The following SLC12A2 variants were observed in gnomAD, a reference collection of about 807,000 sequenced individuals.
SLC12A2 encodes the protein Na-K-2Cl cotransporter 1.
SLC12A2 carries 67 observed loss-of-function variants against 136.3 expected under a neutral mutation model. The observed-to-expected ratio is 0.49, with a 90% CI of 0.40 to 0.60. The LOEUF is 0.60. Among genes scored for constraint, SLC12A2 ranks in the 20% least tolerant of loss-of-function variants. SLC12A2 has a pLI of 0.00. For synonymous variants in SLC12A2, 619 were observed against 562.9 expected (o/e 1.10, Z -1.41); for missense variants, 1,322 against 1,534.7 (o/e 0.86, Z 2.32).
In SLC12A2 at chr5:128,162,272, C is replaced by A. The variant is rs111459870; in HGVS notation, c.2616+472C>A. ...TAAGACATTGTGGTGTTGAATATAG[C>A]GATAGACAGTTAGACGAATGGCACA... is the stretch of plus-strand genomic sequence containing the variant. On this transcript the variant is annotated intron_variant, in intron 17 of 26. Transcript: ENST00000262461. Among the ~76,000 whole-genome samples the A allele has an allele frequency of 3.0e-3, 453 of 151,950 alleles. 1 individual carries two copies. The highest frequency in any genetic ancestry group is 0.01 in the African/African-American group (426 of 41,436).
intron 1 of SLC12A2, among the ~76,000 whole-genome samples, chr5:128,102,727 C>T (rs1007849616): frequency 2.0e-5 from 3 of 149,668 alleles, no homozygotes; most frequent in African/African-American, 4.9e-5. Flanking sequence ...ATCCTCTGGC[C>T]TCAGCCTCCC....
Position 128,150,073 on chromosome 5 carries a change from C to T in SLC12A2, c.2082C>T (p.Phe694=), listed in dbSNP as rs1440974466. The T allele has an allele frequency of 3.1e-6, 5 of 1,604,182 alleles. No individual in the cohort carries two copies. The South Asian group carries it at 4.4e-5, about 14-fold the overall frequency. The change falls in exon 13 of 27, where the codon TTC becomes TTT. Residue 694 remains phenylalanine (F), a synonymous_variant. Transcript: ENST00000262461. ...ATGCATTGATCAATTTTTCAGTATT[C>T]CATGCATCACTTGCAAAATCTCCAG... ...ASYALINFSV[F]HASLAKSPGW...
At chr5:128,183,629 C>T (rs1369037682) in intron 24 of SLC12A2, among the ~76,000 whole-genome samples, 7 of 151,524 alleles carry the variant, frequency 4.6e-5, no homozygotes, top group Admixed American at 4.6e-4. Context: ...TGTTAAATAT[C>T]TTTGGATGTA....
chr5:128,096,169 A>AT (rs1760530652), intron 1 of SLC12A2, among the ~76,000 whole-genome samples: 1 of 152,236 alleles, frequency 6.6e-6, no homozygotes, highest in Admixed American at 6.5e-5. Flanking sequence ...AGGAAAGGTA[A>AT]TAGGTATTAA....
chr5:128,101,322 A>T (rs373156295), intron 1 of SLC12A2, among the ~76,000 whole-genome samples: 2 of 152,156 alleles, frequency 1.3e-5, no homozygotes, highest in African/African-American at 4.8e-5. Context: ...ACATATTTTT[A>T]GTTGCTAAAT....
rs969283929 is a variant in SLC12A2 at position 128,094,328 on chromosome 5, T to C, written c.756+9618T>C. On this transcript the variant is annotated intron_variant, in intron 1 of 26. Transcript: ENST00000262461. ...TGGTACAAAAGAATCTTACCTACCT[T>C]ATATCTGTTGTCTAGATTCTCTAAA... 4.6e-5 allele frequency among the ~76,000 whole-genome samples: 7 copies of C among 151,816 alleles called. 1 individual carries two copies. Among genetic ancestry groups the C allele is most frequent in the Admixed American group, 4.6e-4 (7 of 15,194 alleles).
chr5:128,187,066 T>TAAAACA lies in SLC12A2; in HGVS notation c.*439_*444dup. On this transcript the variant is annotated 3_prime_UTR_variant, in exon 27 of 27. Coordinates refer to ENST00000262461, the MANE Select transcript of SLC12A2 (RefSeq NM_001046.3). ...TTTTTATTTCTAGTCTCTTCCACTT[T>TAAAACA]AAAACAAAATGAACACTGCTTGTCT... The TAAAACA allele has an allele frequency of 6.3e-6, 1 of 158,294 alleles. No homozygotes were observed. The highest frequency in any genetic ancestry group is 6.1e-5 in the Admixed American group (1 of 16,452). 9.8% of individuals were successfully genotyped at this position (158,294 alleles called of 1,614,324 possible).
intron 14 of SLC12A2, among the ~76,000 whole-genome samples, chr5:128,152,118 T>C (rs1762722322): frequency 6.6e-6 from 1 of 152,172 alleles, no homozygotes; most frequent in Non-Finnish European, 1.5e-5. Flanking sequence ...AATATAGTAG[T>C]TTTAAACAGT....
At chr5:128,116,974 C>T (rs1189585888) in intron 4 of SLC12A2, among the ~76,000 whole-genome samples, 1 of 152,120 alleles carries the variant, frequency 6.6e-6, no homozygotes, top group Non-Finnish European at 1.5e-5. Flanking sequence ...GATCACATTA[C>T]ACCTGTATTC....
Position 128,084,231 on chromosome 5 carries a change from G to T in SLC12A2, c.277G>T (p.Ala93Ser). 1 of 1,277,168 alleles carries T rather than the reference G, an allele frequency of 7.8e-7. No individual in the cohort carries two copies. Among genetic ancestry groups the T allele is most frequent in the South Asian group, 3.0e-5 (1 of 33,388 alleles). 79.1% of individuals were successfully genotyped at this position (1,277,168 alleles called of 1,614,324 possible). The change falls in exon 1 of 27, where the codon GCC becomes TCC. Residue 93 changes from alanine to serine, a missense_variant. Ala to Ser is a moderately conservative substitution (Grantham distance 99). Coordinates refer to ENST00000262461, the MANE Select transcript of SLC12A2 (RefSeq NM_001046.3). This position sits in a 1 kb window ranked among gnomAD's most constrained non-coding sequence, Gnocchi z 5.6. Reference protein sequence around the residue: ...VDLVSENAGRAAAAAAAAAAA... With the variant: ...VDLVSENAGRSAAAAAAAAAA... ...CCTGGTTTCCGAGAACGCCGGGCGG[G>T]CCGCTGCTGCGGCGGCGGCGGCGGC...
At chr5:128,117,414 A>G (rs1439324577) in intron 4 of SLC12A2, among the ~76,000 whole-genome samples, 1 of 152,230 alleles carries the variant, frequency 6.6e-6, no homozygotes, top group Non-Finnish European at 1.5e-5. Context: ...CATACTCGGG[A>G]ACCATCTTAT....
intron 16 of SLC12A2, 64 bp from the exon 17 acceptor site, chr5:128,161,596 A>G (rs2126734426): frequency 1.9e-6 from 2 of 1,044,896 alleles, no homozygotes; most frequent in African/African-American, 1.7e-5. Context: ...AGGATGAATC[A>G]TTTGTATAAA....
chr5:128,174,528 T>G lies in SLC12A2; in HGVS notation c.2804-13T>G. 1 of 1,585,136 alleles carries G rather than the reference T, an allele frequency of 6.3e-7. No individual in the cohort carries two copies. Among genetic ancestry groups the G allele is most frequent in the Non-Finnish European group, 8.6e-7 (1 of 1,161,646 alleles). On this transcript the variant is annotated splice_polypyrimidine_tract_variant and intron_variant, in intron 19 of 26. Coordinates refer to ENST00000262461, the MANE Select transcript of SLC12A2 (RefSeq NM_001046.3). ...TGACTTAGATACTATTTTAAATAATTTTCTGTCTACAGAAGAATTATTGTC... is the reference window on the plus strand; with the variant it reads ...TGACTTAGATACTATTTTAAATAATGTTCTGTCTACAGAAGAATTATTGTC...
rs554273924 is a variant in SLC12A2 at position 128,112,601 on chromosome 5, G to A, written c.757-213G>A. Among the ~76,000 whole-genome samples the A allele has an allele frequency of 3.1e-4, 47 of 152,254 alleles. 2 individuals carry two copies. In the South Asian group the frequency reaches 9.8e-3, roughly 32 times the overall value. On this transcript the variant is annotated intron_variant, in intron 1 of 26. Transcript: ENST00000262461. The stretch of plus-strand genomic sequence containing the variant: ...TAAAATGGATTTACTGTCATAGTGA[G>A]ACTTAAATTTTAAGAAATTTCAGTA...
intron 4 of SLC12A2, among the ~76,000 whole-genome samples, chr5:128,125,926 C>G (rs1297187577): frequency 1.3e-5 from 2 of 152,028 alleles, no homozygotes; most frequent in East Asian, 3.9e-4. Flanking sequence ...TTTGAAACAG[C>G]TATCTGTTTC....
At chr5:128,135,877 G>C in intron 7 of SLC12A2, 69 bp downstream of exon 7, 1 of 875,642 alleles carries the variant, frequency 1.1e-6, no homozygotes, top group Non-Finnish European at 1.9e-6. Context: ...ATTAAATTTT[G>C]TACATTTCAG....
intron 17 of SLC12A2, among the ~76,000 whole-genome samples, chr5:128,167,083 G>A (rs993024997): frequency 2.0e-5 from 3 of 152,038 alleles, no homozygotes; most frequent in African/African-American, 7.2e-5. Flanking sequence ...ATCTTGAGAT[G>A]ATTTATAGAA....
intron 22 of SLC12A2, 44 bp downstream of exon 22, chr5:128,178,733 A>T (rs1234922117): frequency 1.4e-6 from 2 of 1,436,868 alleles, no homozygotes; most frequent in African/African-American, 1.5e-5. Flanking sequence ...ATTTACTGAC[A>T]TTGTGAGAAT....
chr5:128,088,025 G>A (rs540388305), intron 1 of SLC12A2, among the ~76,000 whole-genome samples: 217 of 151,484 alleles, frequency 1.4e-3, no homozygotes, highest in Admixed American at 3.6e-3. Flanking sequence ...GTGTGTGTGT[G>A]TGTGTGTGTG....
Sources: gnomAD v4.1 joint callset for allele counts (sites outside exome capture counted in the v4.1 genomes callset) on GRCh38, gnomAD v4.1.1 for gene constraint, Gnocchi (gnomAD v3.1) non-coding constraint, MANE v1.5 for transcripts, NCBI Gene and HGNC (gene_info 2026-07-23, HGNC 2026-07-21) for gene names.